ITK: variants seen among roughly 807,000 people sequenced by gnomAD.
ITK encodes the protein IL2 inducible T cell kinase.
Under a neutral mutation model 87.6 loss-of-function variants are expected in ITK, and 45 were observed. The ratio of observed to expected loss-of-function variants is 0.51; its 90% CI spans 0.40 to 0.66. The LOEUF is 0.66. Among genes scored for constraint, ITK ranks in the 30% least tolerant of loss-of-function variants. The probability of loss-of-function intolerance (pLI) is 0.00; values close to 1 mark genes in which losing one functional copy is unlikely to be tolerated. For synonymous variants in ITK, 303 were observed against 273.6 expected (o/e 1.11, Z -1.06); for missense variants, 605 against 766.3 (o/e 0.79, Z 2.48).
intron 1 of ITK, among the ~76,000 whole-genome samples, chr5:157,189,329 A>G (rs537581495): frequency 1.1e-4 from 17 of 152,350 alleles, no homozygotes; most frequent in Admixed American, 1.0e-3. Flanking sequence ...TAGCCCACAG[A>G]GAAATACTAT....
intron 1 of ITK, among the ~76,000 whole-genome samples, chr5:157,191,726 G>C (rs1753756655): frequency 6.6e-6 from 1 of 152,026 alleles, no homozygotes; most frequent in East Asian, 1.9e-4. Context: ...TTCATTGCAA[G>C]AACATGCTTA....
rs1755171888 is a variant in ITK, at chr5:157,252,893, G to T, written c.*215G>T. On this transcript the variant is annotated 3_prime_UTR_variant, in exon 17 of 17. Transcript: ENST00000422843. ...GGTCAGCCACCAAGCTGGGAGCTGAGCCAGAACAGGAGTGATGTCTCTGCC... is the reference window on the plus strand; with the variant it reads ...GGTCAGCCACCAAGCTGGGAGCTGATCCAGAACAGGAGTGATGTCTCTGCC... 4.9e-6 allele frequency: 3 copies of T among 608,282 alleles called. No individual in the cohort carries two copies. The highest frequency in any genetic ancestry group is 6.0e-6 in the Non-Finnish European group (2 of 334,954). The allele number at this position is 608,282 out of a possible 1,614,324, so 37.7% of individuals were successfully genotyped here.
rs1755222060 is a variant in ITK at position 157,254,963 on chromosome 5, T to C, written c.*2285T>C. 9.4e-6 allele frequency: 2 copies of C among 211,998 alleles called. No individual in the cohort carries two copies. The highest frequency in any genetic ancestry group is 3.7e-4 in the South Asian group (2 of 5,344). The allele number at this position is 211,998 out of a possible 1,614,324, so 13.1% of individuals were successfully genotyped here. On this transcript the variant is annotated 3_prime_UTR_variant, in exon 17 of 17. Coordinates refer to ENST00000422843, the MANE Select transcript of ITK (RefSeq NM_005546.4). ...CCTGTGTTTGTAGAGAACTCCCTTA[T>C]ACAGAGTTTTGGTTCTAGTTTTATT...
intron 8 of ITK, among the ~76,000 whole-genome samples, chr5:157,234,875 T>C (rs1754745637): frequency 6.6e-6 from 1 of 152,100 alleles, no homozygotes; most frequent in Non-Finnish European, 1.5e-5. Flanking sequence ...ATGGCACATG[T>C]ATACCCATGT....
intron 15 of ITK, among the ~76,000 whole-genome samples, chr5:157,247,984 G>A (rs1755056364): frequency 6.6e-6 from 1 of 152,098 alleles, no homozygotes; most frequent in African/African-American, 2.4e-5. Context: ...TCTTATTTAG[G>A]GTCAGGTTCT....
In ITK at chr5:157,235,329, C is replaced by T. The variant is rs1754755874; in HGVS notation, c.769-2780C>T. Among the ~76,000 whole-genome samples, 3 of 152,180 alleles carry T rather than the reference C, an allele frequency of 2.0e-5. No homozygotes were observed. The South Asian group carries it at 6.2e-4, about 31-fold the overall frequency. ...CCACTAAAAAGCATCTCCTAATGTG[C>T]CATATCAGTTCTTCCAATGTTGCCT... On this transcript the variant is annotated intron_variant, in intron 8 of 16. Transcript: ENST00000422843.
chr5:157,200,643 G>A (rs1233722954), intron 1 of ITK, among the ~76,000 whole-genome samples: 1 of 152,182 alleles, frequency 6.6e-6, no homozygotes, highest in Non-Finnish European at 1.5e-5. Context: ...AACCAGTCAG[G>A]ATGGATTGTG....
intron 1 of ITK, 55 bp downstream of exon 1, chr5:157,181,170 G>A (rs1215430969): frequency 4.5e-6 from 7 of 1,566,224 alleles, no homozygotes; most frequent in Non-Finnish European, 6.2e-6. Context: ...GTTTGGACTG[G>A]GCTAATGCAA....
Position 157,207,377 on chromosome 5 carries a change from CTTTTTTTTT to C in ITK, c.139-1493_139-1485del, listed in dbSNP as rs536290068. ...CTTTATCACGTATCTAGATACGTCTCTTTTTTTTTTTTTTTTTTTTTTTTTTTGAGTCTT... is the reference window on the plus strand; with the variant it reads ...CTTTATCACGTATCTAGATACGTCTCTTTTTTTTTTTTTTTTTTGAGTCTT... On this transcript the variant is annotated intron_variant, in intron 1 of 16. Transcript: ENST00000422843. Among the ~76,000 whole-genome samples, 15 of 59,140 alleles carry C rather than the reference CTTTTTTTTT, an allele frequency of 2.5e-4. No homozygotes were observed. In the South Asian group the frequency reaches 5.0e-3, roughly 20 times the overall value. The allele number at this position is 59,140 out of a possible 152,430, so 38.8% of individuals were successfully genotyped here.
At chr5:157,234,986 C>A (rs1754748583) in intron 8 of ITK, among the ~76,000 whole-genome samples, 1 of 152,120 alleles carries the variant, frequency 6.6e-6, no homozygotes, top group East Asian at 1.9e-4. Context: ...TGAACTAAAA[C>A]TCCTGGTGTA....
intron 3 of ITK, chr5:157,213,740 C>A: frequency 1.2e-5 from 4 of 344,806 alleles, no homozygotes; most frequent in South Asian, 9.1e-5. Context: ...TTTTTTCCAA[C>A]CAAAATCTTA....
intron 1 of ITK, among the ~76,000 whole-genome samples, chr5:157,204,859 A>G (rs1754048722): frequency 6.6e-6 from 1 of 152,236 alleles, no homozygotes; most frequent in Non-Finnish European, 1.5e-5. Context: ...AAAACCAGAC[A>G]CCACAAAGCT....
intron 3 of ITK, among the ~76,000 whole-genome samples, chr5:157,212,099 G>A (rs778207576): frequency 6.6e-6 from 1 of 152,178 alleles, no homozygotes; most frequent in South Asian, 2.1e-4. Context: ...CCAATGATTA[G>A]CATGTGACCC....
chr5:157,245,611 C>G (rs1446010977), intron 13 of ITK, 115 bp from the exon 14 acceptor site: 1 of 831,154 alleles, frequency 1.2e-6, no homozygotes, highest in African/African-American at 1.7e-5. Context: ...CCATGATGCC[C>G]TTGTATGACA....
At chr5:157,191,038 G>A (rs1352454246) in intron 1 of ITK, among the ~76,000 whole-genome samples, 1 of 152,172 alleles carries the variant, frequency 6.6e-6, no homozygotes, top group African/African-American at 2.4e-5. Flanking sequence ...CCAGGAAGCT[G>A]GGTACAGTCT....
At chr5:157,191,627 A>T (rs140959556) in intron 1 of ITK, among the ~76,000 whole-genome samples, 2 of 152,236 alleles carry the variant, frequency 1.3e-5, no homozygotes, top group African/African-American at 4.8e-5. Flanking sequence ...TTTTCTATCT[A>T]TTCTTTCATA....
intron 1 of ITK, among the ~76,000 whole-genome samples, chr5:157,186,271 C>T (rs998475244): frequency 2.0e-5 from 3 of 151,942 alleles, no homozygotes; most frequent in Admixed American, 1.3e-4. Context: ...AATGGGTCTT[C>T]TGCAATGAAA....
intron 11 of ITK, 152 bp downstream of exon 11, chr5:157,241,872 A>G (rs1754915454): frequency 1.5e-6 from 1 of 672,280 alleles, no homozygotes; most frequent in African/African-American, 1.8e-5. Context: ...ACTAATGAAT[A>G]TTTACATTGT....
At chr5:157,202,000 A>G (rs947064689) in intron 1 of ITK, among the ~76,000 whole-genome samples, 3 of 152,138 alleles carry the variant, frequency 2.0e-5, no homozygotes, top group Non-Finnish European at 2.9e-5. Flanking sequence ...ACCCTCGAGT[A>G]GGTGCCGGTA....
Sources: gnomAD v4.1 joint callset for allele counts (sites outside exome capture counted in the v4.1 genomes callset) on GRCh38, gnomAD v4.1.1 for gene constraint, MANE v1.5 for transcripts, NCBI Gene and HGNC (gene_info 2026-07-23, HGNC 2026-07-21) for gene names.